KCNH1: variants seen among roughly 807,000 people sequenced by gnomAD.
The protein encoded by KCNH1 is voltage-gated delayed rectifier potassium channel KCNH1.
A neutral mutation model predicts 69.2 loss-of-function variants in KCNH1; 27 were observed. The ratio of observed to expected loss-of-function variants is 0.39; its 90% CI spans 0.29 to 0.54. The LOEUF (loss-of-function observed/expected upper bound fraction) is 0.54, where lower values mean the gene tolerates loss of function less well. Among genes scored for constraint, KCNH1 ranks in the 20% least tolerant of loss-of-function variants. The probability of loss-of-function intolerance (pLI) is 0.68; values close to 1 mark genes in which losing one functional copy is unlikely to be tolerated. For synonymous variants in KCNH1, 456 were observed against 487.7 expected (o/e 0.93, Z 0.86); for missense variants, 798 against 1,261.6 (o/e 0.63, Z 5.57).
At chr1:210,786,053 C>G (rs1421289311) in intron 9 of KCNH1, among the ~76,000 whole-genome samples, 1 of 152,166 alleles carries the variant, frequency 6.6e-6, no homozygotes, top group Non-Finnish European at 1.5e-5. Flanking sequence ...GTTCAGAACT[C>G]TTGGGGGAAT....
intron 7 of KCNH1, among the ~76,000 whole-genome samples, chr1:210,892,453 G>T (rs1312464867): frequency 2.6e-5 from 4 of 151,992 alleles, no homozygotes; most frequent in African/African-American, 7.3e-5. Context: ...AGCCTTCCTT[G>T]TCTCTCAGAG....
intron 10 of KCNH1, among the ~76,000 whole-genome samples, chr1:210,716,906 T>TAATC (rs1158226108): frequency 6.6e-6 from 1 of 152,272 alleles, no homozygotes; most frequent in East Asian, 1.9e-4. Flanking sequence ...TTAGCAACAA[T>TAATC]AATCATCAAA....
rs1472478990 is a variant in KCNH1 at position 210,682,962 on chromosome 1, G to A, written c.*319C>T. 3.2e-6 allele frequency: 1 copy of A among 313,474 alleles called. No individual in the cohort carries two copies. The highest frequency in any genetic ancestry group is 2.2e-5 in the African/African-American group (1 of 46,306). The allele number at this position is 313,474 out of a possible 1,614,324, so 19.4% of individuals were successfully genotyped here. A position where few individuals can be genotyped will look rare whatever the true frequency, so the allele number is the denominator to read the frequency against. On this transcript the variant is annotated 3_prime_UTR_variant, in exon 11 of 11. Transcript: ENST00000271751. Reference sequence around the variant, plus strand: ...CCCAGATGGCTGCTGCTCTGTTCTGGTAGTTTTAATCTTTTACAAATATCA... The same window carrying A: ...CCCAGATGGCTGCTGCTCTGTTCTGATAGTTTTAATCTTTTACAAATATCA...
chr1:210,991,928 G>C (rs771813422), intron 6 of KCNH1, among the ~76,000 whole-genome samples: 1 of 152,168 alleles, frequency 6.6e-6, no homozygotes, highest in Non-Finnish European at 1.5e-5. Flanking sequence ...AGCATGCAGA[G>C]AGTGGATGAT....
chr1:210,970,543 A>G (rs755023607), intron 6 of KCNH1, among the ~76,000 whole-genome samples: 2 of 152,172 alleles, frequency 1.3e-5, no homozygotes, highest in Admixed American at 6.6e-5. Context: ...TGGGGAAAGG[A>G]TTTCCTATTT....
At position 210,758,949 on chromosome 1, in the gene KCNH1, C is replaced by T. The variant is rs972983027; in HGVS notation, c.2112+16399G>A. 2.0e-5 allele frequency among the ~76,000 whole-genome samples: 3 copies of T among 152,080 alleles called. No homozygotes were observed. In the South Asian group the frequency reaches 6.2e-4, roughly 32 times the overall value. On this transcript the variant is annotated intron_variant, in intron 10 of 10. Coordinates refer to ENST00000271751, the MANE Select transcript of KCNH1 (RefSeq NM_172362.3). Reference sequence around the variant, plus strand: ...CTGCAGCCTGAATTACATCACCAAACAAAAATTACGTTGCTACAATAAGCA... The same window carrying T: ...CTGCAGCCTGAATTACATCACCAAATAAAAATTACGTTGCTACAATAAGCA...
At chr1:211,070,248 C>G (rs1388090430) in intron 5 of KCNH1, among the ~76,000 whole-genome samples, 1 of 151,494 alleles carries the variant, frequency 6.6e-6, no homozygotes, top group Non-Finnish European at 1.5e-5. Context: ...GAAACCCCGT[C>G]TCTACTAAAA....
chr1:211,072,706 GA>G (rs35654504), intron 5 of KCNH1, among the ~76,000 whole-genome samples: 50,313 of 151,420 alleles, frequency 0.33, 8,473 homozygotes, highest in African/African-American at 0.35. Flanking sequence ...GGCAACCACT[GA>G]AAAAAAAATT....
chr1:210,883,381 T>G (rs1686537431), intron 7 of KCNH1, among the ~76,000 whole-genome samples: 1 of 152,128 alleles, frequency 6.6e-6, no homozygotes, highest in Non-Finnish European at 1.5e-5. Context: ...AGAATGGATC[T>G]GGGGGTGGGG....
At chr1:210,726,774 T>C (rs1299600525) in intron 10 of KCNH1, among the ~76,000 whole-genome samples, 13 of 152,146 alleles carry the variant, frequency 8.5e-5, no homozygotes. Flanking sequence ...GTCAAAAACA[T>C]GCCTAAGTGG....
At chr1:210,995,073 T>C (rs978033161) in intron 6 of KCNH1, among the ~76,000 whole-genome samples, 18 of 152,206 alleles carry the variant, frequency 1.2e-4, no homozygotes, top group African/African-American at 4.3e-4. Context: ...AATCTCTATT[T>C]TGGTGGGGCA....
intron 7 of KCNH1, among the ~76,000 whole-genome samples, chr1:210,897,941 C>G (rs1003771930): frequency 1.3e-5 from 2 of 152,178 alleles, no homozygotes; most frequent in Non-Finnish European, 2.9e-5. Flanking sequence ...GATGGCAAGA[C>G]CCCTGGAGGG....
intron 9 of KCNH1, among the ~76,000 whole-genome samples, chr1:210,793,528 G>A (rs779390057): frequency 3.9e-5 from 6 of 152,116 alleles, no homozygotes; most frequent in Non-Finnish European, 7.3e-5. Flanking sequence ...TCCTTAGAAG[G>A]GCTTTATTTT....
chr1:210,980,061 A>G (rs1688682354), intron 6 of KCNH1, among the ~76,000 whole-genome samples: 1 of 152,216 alleles, frequency 6.6e-6, no homozygotes, highest in Non-Finnish European at 1.5e-5. Context: ...TATTTCAGGC[A>G]TTTAGATTAA....
At position 210,728,132 on chromosome 1, in the gene KCNH1, C is replaced by T. The variant is rs574535801; in HGVS notation, c.2113-43994G>A. Among the ~76,000 whole-genome samples, 26 of 152,284 alleles carry T rather than the reference C, an allele frequency of 1.7e-4. 1 individual carries two copies. In the South Asian group the frequency reaches 5.0e-3, roughly 29 times the overall value. ...AACCTACATTCTAAAATAGGCTCTT[C>T]CTGAAGGAAGGTTGGTAAACAACTG... On this transcript the variant is annotated intron_variant, in intron 10 of 10. Transcript: ENST00000271751.
chr1:210,918,269 A>AT (rs1440506628), intron 7 of KCNH1, among the ~76,000 whole-genome samples: 2 of 152,214 alleles, frequency 1.3e-5, no homozygotes, highest in African/African-American at 4.8e-5. Context: ...CAGTATAACA[A>AT]TTTGTCAACT....
chr1:211,127,316 T>C (rs1691793121), intron 1 of KCNH1, among the ~76,000 whole-genome samples: 1 of 151,942 alleles, frequency 6.6e-6, no homozygotes, highest in African/African-American at 2.4e-5. Context: ...TATAAATCAT[T>C]CACTTCCTAG....
intron 1 of KCNH1, among the ~76,000 whole-genome samples, chr1:211,125,176 C>G (rs972666414): frequency 6.6e-5 from 10 of 152,196 alleles, no homozygotes; most frequent in Non-Finnish European, 1.0e-4. Flanking sequence ...CTCTCTCTTG[C>G]TTCCCATTTC....
chr1:211,127,458 T>C (rs950572370), intron 1 of KCNH1, among the ~76,000 whole-genome samples: 4 of 151,066 alleles, frequency 2.6e-5, no homozygotes, highest in African/African-American at 9.8e-5. Context: ...CCACCACACT[T>C]GCATGTACCC....
Sources: gnomAD v4.1 joint callset for allele counts (sites outside exome capture counted in the v4.1 genomes callset) on GRCh38, gnomAD v4.1.1 for gene constraint, MANE v1.5 for transcripts, NCBI Gene and HGNC (gene_info 2026-07-23, HGNC 2026-07-21) for gene names.